PDXDC1: variants seen among roughly 807,000 people sequenced by gnomAD.
The protein encoded by PDXDC1 is pyridoxal dependent decarboxylase domain containing 1.
PDXDC1 carries 42 observed loss-of-function variants against 100.1 expected under a neutral mutation model. That is an observed-to-expected ratio of 0.42 (90% CI 0.33 to 0.54). The LOEUF is 0.54. PDXDC1 is among the 20% of genes least tolerant of loss of function. PDXDC1 has a pLI of 0.10. For missense variants in PDXDC1, 636 were observed against 979.2 expected (o/e 0.65, Z 4.68); for synonymous variants, 260 against 371.7 (o/e 0.70, Z 3.46).
intron 5 of PDXDC1, among the ~76,000 whole-genome samples, chr16:15,005,448 G>T (rs1165128627): frequency 6.6e-6 from 1 of 152,288 alleles, no homozygotes; most frequent in Non-Finnish European, 1.5e-5. Context: ...AGGACTAGTG[G>T]CATTGGGTTT....
At chr16:15,047,392 G>T in intron 16 of PDXDC1, 1 of 1,203,882 alleles carries the variant, frequency 8.3e-7, no homozygotes, top group Non-Finnish European at 1.2e-6. Flanking sequence ...CGTCCTGTAT[G>T]CGACGGTTCC....
intron 9 of PDXDC1, 98 bp downstream of exon 9, chr16:15,016,311 A>C: frequency 6.5e-7 from 1 of 1,544,944 alleles, no homozygotes; most frequent in Non-Finnish European, 8.7e-7. Flanking sequence ...ATTTATCACG[A>C]AGGGCTCTTT....
intron 1 of PDXDC1, among the ~76,000 whole-genome samples, chr16:14,978,692 G>C (rs542368529): frequency 1.4e-3 from 220 of 152,324 alleles, no homozygotes; most frequent in Middle Eastern, 3.4e-3. Context: ...ACCGTGCCAG[G>C]CCAAAACCTG....
chr16:15,101,996 G>A (rs1310290475), intron 16 of PDXDC1, among the ~76,000 whole-genome samples: 17 of 152,094 alleles, frequency 1.1e-4, no homozygotes, highest in Non-Finnish European at 1.6e-4. Context: ...TTACAGGTGC[G>A]TGCCACCATG....
At chr16:15,085,565 G>A (rs1261648306) in intron 16 of PDXDC1, 13 of 1,578,216 alleles carry the variant, frequency 8.2e-6, no homozygotes, top group East Asian at 2.3e-5. Context: ...TGATCCTCCC[G>A]TCTTGGCTTC....
At chr16:15,145,408 G>A in the PDXDC1 span, among the ~76,000 whole-genome samples, 2 of 152,250 alleles carry the variant, frequency 1.3e-5, no homozygotes, top group African/African-American at 2.4e-5. Context: ...CGTTCCCTGG[G>A]CATGGGCTTG....
chr16:15,040,092 G>C (rs748117670), downstream of PDXDC1: 5 of 1,330,128 alleles, frequency 3.8e-6, no homozygotes, highest in Non-Finnish European at 2.2e-6. Context: ...GGATGACTCT[G>C]AATTGACAAA....
chr16:15,075,989 C>G (rs1293158548), intron 16 of PDXDC1, among the ~76,000 whole-genome samples: 1 of 152,158 alleles, frequency 6.6e-6, no homozygotes, highest in Non-Finnish European at 1.5e-5. Context: ...CAGAAAAGGA[C>G]ATCTCCTTGG....
At chr16:15,033,514 G>A in intron 19 of PDXDC1, 115 bp downstream of exon 19, 1 of 1,230,256 alleles carries the variant, frequency 8.1e-7, no homozygotes, top group Non-Finnish European at 1.2e-6. Context: ...CTCAAAGTCT[G>A]TCAATGTTTC....
intron 16 of PDXDC1, among the ~76,000 whole-genome samples, chr16:15,102,152 G>C (rs1390368973): frequency 1.1e-4 from 16 of 151,818 alleles, no homozygotes; most frequent in Non-Finnish European, 2.2e-4. Context: ...GGCCTGGTGA[G>C]CTAATTTTTA....
At position 15,080,034 on chromosome 16, in the gene PDXDC1, A is replaced by G. The variant is rs202153371; in HGVS notation, c.1399+49978A>G. The G allele has an allele frequency of 3.1e-6, 5 of 1,600,940 alleles. No homozygotes were observed. In the East Asian group the frequency reaches 6.7e-5, roughly 21 times the overall value. ...GTAGTTTTTCAATAATAAGCTCCAG[A>G]ATTTCATGCCTCAAGGTTGGAAAAT... On this transcript the variant is annotated intron_variant, in intron 16 of 16. Coordinates refer to the PDXDC1 transcript ENST00000535621.
chr16:15,125,576 C>G lies in PDXDC1; in HGVS notation c.1400-13303C>G, dbSNP rs556031894. 4 of 1,515,082 alleles carry G rather than the reference C, an allele frequency of 2.6e-6. No homozygotes were observed. The South Asian group carries it at 4.5e-5, about 17-fold the overall frequency. The allele number at this position is 1,515,082 out of a possible 1,614,324, so 93.9% of individuals were successfully genotyped here. ...CTCTTAGAATCATCCAGAAACAAGT[C>G]ACTCTTCACCTGTCCAGCAAAGGCC... On this transcript the variant is annotated intron_variant, in intron 16 of 16. Transcript: ENST00000535621.
At chr16:15,009,475 A>C (rs2041075186) in intron 7 of PDXDC1, 3 of 996,246 alleles carry the variant, frequency 3.0e-6, no homozygotes, top group Non-Finnish European at 4.2e-6. Flanking sequence ...TTTACCTTTA[A>C]TTTTGTTTAA....
intron 16 of PDXDC1, among the ~76,000 whole-genome samples, chr16:15,082,462 CAGG>C (rs1397109564): frequency 1.3e-5 from 2 of 152,042 alleles, no homozygotes; most frequent in Non-Finnish European, 1.5e-5. Context: ...CGCTTGAGGT[CAGG>C]AGTTCAAGAC....
rs892087637 is a variant in PDXDC1 at position 15,103,482 on chromosome 16, G to A, written c.1400-35397G>A. The A allele has an allele frequency of 8.2e-6, 5 of 608,376 alleles. No homozygotes were observed. The African/African-American group carries it at 9.3e-5, about 11-fold the overall frequency. 37.7% of individuals were successfully genotyped at this position (608,376 alleles called of 1,614,324 possible). ...CAAGTCTCTATAGACCACCCCTTGG[G>A]TATATCTAATGTAAGTGATATTTAT... On this transcript the variant is annotated intron_variant, in intron 16 of 16. Coordinates refer to the PDXDC1 transcript ENST00000535621.
At chr16:15,125,548 C>T (rs2047665027) in intron 16 of PDXDC1, 6 of 1,584,080 alleles carry the variant, frequency 3.8e-6, no homozygotes, top group Admixed American at 1.7e-5. Context: ...TAGGGGAACC[C>T]ACCTCTTAGA....
At chr16:15,055,404 G>A (rs1297410880) in intron 16 of PDXDC1, among the ~76,000 whole-genome samples, 1 of 152,196 alleles carries the variant, frequency 6.6e-6, no homozygotes, top group East Asian at 1.9e-4. Context: ...AGAGGAGGAA[G>A]GACTGGGGGT....
chr16:14,980,899 C>T (rs1376461652), intron 1 of PDXDC1, among the ~76,000 whole-genome samples: 2 of 152,408 alleles, frequency 1.3e-5, no homozygotes, highest in East Asian at 3.9e-4. Context: ...TGCACCCGGC[C>T]TTGATTTATA....
chr16:14,977,668 CA>C (rs1464081409), intron 1 of PDXDC1, among the ~76,000 whole-genome samples: 5 of 152,270 alleles, frequency 3.3e-5, no homozygotes, highest in Non-Finnish European at 5.9e-5. Context: ...AAAGAAAAAG[CA>C]TTGCTGTAAT....
Sources: allele counts gnomAD v4.1 joint callset (sites outside exome capture counted in the v4.1 genomes callset), GRCh38; gene constraint gnomAD v4.1.1; transcripts MANE v1.5; gene names NCBI Gene and HGNC (gene_info 2026-07-23, HGNC 2026-07-21).